GRIA4: variants seen among roughly 807,000 people sequenced by gnomAD.
The protein encoded by GRIA4 is glutamate ionotropic receptor AMPA type subunit 4.
In GRIA4, 34 loss-of-function variants were observed where a neutral mutation model predicts 104.0. That is an observed-to-expected ratio of 0.33 (90% CI 0.25 to 0.44). The LOEUF is 0.44. Among genes scored for constraint, GRIA4 ranks in the 20% least tolerant of loss-of-function variants. The pLI is 1.00. For missense variants in GRIA4, 750 were observed against 1,096.5 expected (o/e 0.68, Z 4.46); for synonymous variants, 386 against 381.9 (o/e 1.01, Z -0.13).
chr11:105,669,801 T>A (rs185323336), intron 3 of GRIA4, among the ~76,000 whole-genome samples: 1 of 152,280 alleles, frequency 6.6e-6, no homozygotes, highest in Non-Finnish European at 1.5e-5. Context: ...TAATTCTCTA[T>A]TGTCAGTTTT....
At chr11:105,760,374 C>T (rs1940555635) in intron 4 of GRIA4, among the ~76,000 whole-genome samples, 1 of 152,260 alleles carries the variant, frequency 6.6e-6, no homozygotes, top group East Asian at 1.9e-4. Context: ...CCCACATCAA[C>T]CAACTTTTCT....
intron 3 of GRIA4, chr11:105,614,391 T>G (rs1259122240): frequency 6.6e-6 from 1 of 151,856 alleles, no homozygotes; most frequent in Non-Finnish European, 1.5e-5. Flanking sequence ...ATTATTTTAT[T>G]TATGTAATAA....
At chr11:105,780,649 T>C (rs1591244721) in intron 4 of GRIA4, among the ~76,000 whole-genome samples, 1 of 152,258 alleles carries the variant, frequency 6.6e-6, no homozygotes, top group East Asian at 1.9e-4. Context: ...GATAAAAACC[T>C]CACTAGAAGT....
intron 3 of GRIA4, among the ~76,000 whole-genome samples, chr11:105,647,062 A>G (rs1951550325): frequency 6.6e-6 from 1 of 152,232 alleles, no homozygotes; most frequent in Non-Finnish European, 1.5e-5. Flanking sequence ...CATCTGACAA[A>G]GATTTAATAT....
intron 16 of GRIA4, chr11:105,974,679 C>A: frequency 1.0e-6 from 1 of 974,052 alleles, no homozygotes. Flanking sequence ...TTGAAAACTT[C>A]AGTGCAAATT....
chr11:105,693,010 C>A (rs1051036999), intron 3 of GRIA4, among the ~76,000 whole-genome samples: 8 of 152,194 alleles, frequency 5.3e-5, no homozygotes, highest in Non-Finnish European at 1.0e-4. Context: ...TTGATCATAT[C>A]TGCCTCAGAT....
intron 3 of GRIA4, among the ~76,000 whole-genome samples, chr11:105,691,087 G>A (rs902581513): frequency 2.0e-5 from 3 of 152,086 alleles, no homozygotes; most frequent in South Asian, 2.1e-4. Context: ...GCTTGTGTGC[G>A]TGCAAACATG....
intron 3 of GRIA4, among the ~76,000 whole-genome samples, chr11:105,730,019 G>T (rs1333143242): frequency 6.6e-6 from 1 of 152,198 alleles, no homozygotes; most frequent in Non-Finnish European, 1.5e-5. Context: ...AGTATTGGAA[G>T]TTCTGGCCAG....
chr11:105,905,903 C>T (rs1453861549), intron 9 of GRIA4, among the ~76,000 whole-genome samples: 4 of 152,058 alleles, frequency 2.6e-5, no homozygotes, highest in Non-Finnish European at 4.4e-5. Flanking sequence ...GGTATAGGAG[C>T]GGTCTTCCCA....
intron 14 of GRIA4, among the ~76,000 whole-genome samples, chr11:105,954,219 C>A (rs948938175): frequency 1.1e-4 from 17 of 152,174 alleles, no homozygotes; most frequent in Admixed American, 9.8e-4. Context: ...ACAAAACCAA[C>A]TGAACCAAAG....
intron 4 of GRIA4, among the ~76,000 whole-genome samples, chr11:105,806,554 T>C (rs1942960741): frequency 6.6e-6 from 1 of 151,938 alleles, no homozygotes; most frequent in South Asian, 2.1e-4. Context: ...TCTGAGTGTT[T>C]ACTTTTTGAG....
At chr11:105,823,347 C>T (rs778501582) in intron 4 of GRIA4, among the ~76,000 whole-genome samples, 7 of 151,860 alleles carry the variant, frequency 4.6e-5, no homozygotes, top group South Asian at 4.1e-4. Flanking sequence ...ATTTCTTCTA[C>T]AAGAACAGGC....
At chr11:105,761,053 A>AT (rs1940616092) in intron 4 of GRIA4, among the ~76,000 whole-genome samples, 1 of 152,176 alleles carries the variant, frequency 6.6e-6, no homozygotes. Flanking sequence ...GCTTAACCTA[A>AT]TTGAGAAAAG....
chr11:105,967,522 C>CT (rs1374951422), intron 14 of GRIA4, among the ~76,000 whole-genome samples: 1 of 152,100 alleles, frequency 6.6e-6, no homozygotes, highest in Non-Finnish European at 1.5e-5. Flanking sequence ...ATTGCTTCTT[C>CT]TTATAGTTAT....
intron 3 of GRIA4, among the ~76,000 whole-genome samples, chr11:105,674,058 G>A (rs965595766): frequency 6.6e-6 from 1 of 151,998 alleles, no homozygotes; most frequent in Non-Finnish European, 1.5e-5. Context: ...TGCATATCAA[G>A]TAGAACTTGT....
chr11:105,904,003 GTTCAA>G (rs745678857), intron 8 of GRIA4, 22 bp downstream of exon 8: 2 of 1,522,640 alleles, frequency 1.3e-6, no homozygotes, highest in Non-Finnish European at 1.8e-6. Flanking sequence ...TTTTATTTAA[GTTCAA>G]TTCATTTCAT....
intron 14 of GRIA4, among the ~76,000 whole-genome samples, chr11:105,959,353 G>A (rs1948676170): frequency 6.6e-6 from 1 of 152,048 alleles, no homozygotes; most frequent in Non-Finnish European, 1.5e-5. Flanking sequence ...CAGTAAGGTA[G>A]TCTTCAAACT....
At chr11:105,702,408 C>T (rs1171514418) in intron 3 of GRIA4, among the ~76,000 whole-genome samples, 2 of 151,666 alleles carry the variant, frequency 1.3e-5, no homozygotes, top group Admixed American at 1.3e-4. Flanking sequence ...TTTAAACACA[C>T]ACATATACAT....
chr11:105,910,804 C>A (rs985115896), intron 10 of GRIA4, among the ~76,000 whole-genome samples: 2 of 152,030 alleles, frequency 1.3e-5, no homozygotes, highest in Non-Finnish European at 2.9e-5. Context: ...CTGTCAAACT[C>A]TAGTTGGAAA....
Sources: allele counts gnomAD v4.1 joint callset (sites outside exome capture counted in the v4.1 genomes callset), GRCh38; gene constraint gnomAD v4.1.1; transcripts MANE v1.5; gene names NCBI Gene and HGNC (gene_info 2026-07-23, HGNC 2026-07-21).